Variants in PAK5 observed in about 807,000 individuals in gnomAD.
PAK5 encodes the protein serine/threonine-protein kinase PAK 5.
Under a neutral mutation model 65.9 loss-of-function variants are expected in PAK5, and 16 were observed. That is an observed-to-expected ratio of 0.24 (90% CI 0.16 to 0.37). The LOEUF (loss-of-function observed/expected upper bound fraction) is 0.37. Ranked by LOEUF, PAK5 falls within the 10% of genes least tolerant of loss-of-function variation. PAK5 has a pLI of 1.00. For synonymous variants in PAK5, 371 were observed against 354.9 expected (o/e 1.05, Z -0.51); for missense variants, 785 against 903.9 (o/e 0.87, Z 1.69).
chr20:9,571,963 G>A (rs962158201), intron 4 of PAK5, among the ~76,000 whole-genome samples: 1 of 151,768 alleles, frequency 6.6e-6, no homozygotes, highest in African/African-American at 2.4e-5. Context: ...GTGTTTCACT[G>A]GGGGCCCAGA....
chr20:9,832,123 T>C (rs1978769648), intron 1 of PAK5, among the ~76,000 whole-genome samples: 1 of 151,990 alleles, frequency 6.6e-6, no homozygotes. Context: ...TCTAGTTATA[T>C]AGGTTCTTTT....
At chr20:9,558,408 C>T (rs1322163292) in intron 6 of PAK5, among the ~76,000 whole-genome samples, 3 of 152,192 alleles carry the variant, frequency 2.0e-5, no homozygotes, top group East Asian at 3.9e-4. Flanking sequence ...AGCCACTGTG[C>T]GGGGCTCCAT....
rs537965484 is a variant in PAK5 at position 9,642,047 on chromosome 20, G to C, written c.204+2078C>G. ...CAGAAAGGGGCTCCCACAGTGCAGCGGGGGGGCTGAAGGGCTCCTCAAATG... is the reference window on the plus strand; with the variant it reads ...CAGAAAGGGGCTCCCACAGTGCAGCCGGGGGGCTGAAGGGCTCCTCAAATG... On this transcript the variant is annotated intron_variant, in intron 3 of 9. Coordinates refer to ENST00000353224, the MANE Select transcript of PAK5 (RefSeq NM_177990.4). 3.9e-5 allele frequency among the ~76,000 whole-genome samples: 6 copies of C among 152,244 alleles called. No individual in the cohort carries two copies. In the South Asian group the frequency reaches 1.0e-3, roughly 26 times the overall value.
chr20:9,553,230 T>C (rs1393587468), intron 7 of PAK5, among the ~76,000 whole-genome samples: 2 of 152,120 alleles, frequency 1.3e-5, no homozygotes, highest in Non-Finnish European at 2.9e-5. Context: ...ACTCTGAAAT[T>C]GTATCATGTG....
intron 1 of PAK5, among the ~76,000 whole-genome samples, chr20:9,760,673 C>CTTTTTTTT (rs5840332): frequency 3.3e-5 from 4 of 122,832 alleles, no homozygotes; most frequent in African/African-American, 9.2e-5. Flanking sequence ...CTTTTCTTTT[C>CTTTTTTTT]TTTTTTTTTT....
chr20:9,708,164 T>C (rs896653968), intron 2 of PAK5, among the ~76,000 whole-genome samples: 1 of 152,164 alleles, frequency 6.6e-6, no homozygotes, highest in African/African-American at 2.4e-5. Flanking sequence ...TTTTAATAGA[T>C]GAGTGTCAGA....
At chr20:9,798,012 G>A (rs545206963) in intron 1 of PAK5, among the ~76,000 whole-genome samples, 1 of 152,144 alleles carries the variant, frequency 6.6e-6, no homozygotes, top group Non-Finnish European at 1.5e-5. Context: ...TTCTGGAAAA[G>A]AAGCCAGTAG....
At chr20:9,637,398 A>G (rs1269835018) in intron 3 of PAK5, among the ~76,000 whole-genome samples, 1 of 152,200 alleles carries the variant, frequency 6.6e-6, no homozygotes, top group Non-Finnish European at 1.5e-5. Context: ...TTGTATACAC[A>G]GGAAACGAGA....
intron 3 of PAK5, among the ~76,000 whole-genome samples, chr20:9,606,459 G>A (rs2046456606): frequency 6.6e-6 from 1 of 152,156 alleles, no homozygotes; most frequent in South Asian, 2.1e-4. Flanking sequence ...ACAGGTGCTT[G>A]TCAAGTGAAG....
rs1234091496 is a variant in PAK5, at chr20:9,760,104, G to C, written c.-161-48669C>G. On this transcript the variant is annotated intron_variant, in intron 1 of 9. Coordinates refer to ENST00000353224, the MANE Select transcript of PAK5 (RefSeq NM_177990.4). ...CCATGTGATGTTATTGGGTAGCTGT[G>C]ACCACCAGAGTGTTATAGCAACATG... Among the ~76,000 whole-genome samples, 8 of 152,068 alleles carry C rather than the reference G, an allele frequency of 5.3e-5. No homozygotes were observed. The East Asian group carries it at 1.5e-3, about 29-fold the overall frequency.
chr20:9,805,487 A>T lies in PAK5; in HGVS notation c.-162+33275T>A, dbSNP rs2049220529. On this transcript the variant is annotated intron_variant, in intron 1 of 9. Transcript: ENST00000353224. ...AAAACAACTCACATGTTCATCAATG[A>T]TGAATGGATAAACAAGATGTGGTAT... Among the ~76,000 whole-genome samples the T allele has an allele frequency of 2.0e-5, 3 of 152,246 alleles. 1 individual carries two copies. The South Asian group carries it at 6.2e-4, about 32-fold the overall frequency.
intron 3 of PAK5, among the ~76,000 whole-genome samples, chr20:9,632,179 C>T (rs2046930276): frequency 6.6e-6 from 1 of 152,148 alleles, no homozygotes; most frequent in Non-Finnish European, 1.5e-5. Flanking sequence ...TATCATTTCA[C>T]ATTATATAGA....
chr20:9,825,609 T>A (rs1360663921), intron 1 of PAK5, among the ~76,000 whole-genome samples: 1 of 152,186 alleles, frequency 6.6e-6, no homozygotes, highest in African/African-American at 2.4e-5. Context: ...ACAGAAATTT[T>A]AAAAAAATTG....
chr20:9,717,695 T>C (rs541254006), intron 1 of PAK5, among the ~76,000 whole-genome samples: 120 of 152,288 alleles, frequency 7.9e-4, no homozygotes, highest in Middle Eastern at 3.4e-3. Context: ...TCTTGGCTCA[T>C]TGCAACCTCT....
intron 3 of PAK5, among the ~76,000 whole-genome samples, chr20:9,584,722 C>A (rs1355130608): frequency 6.6e-6 from 1 of 152,228 alleles, no homozygotes; most frequent in East Asian, 1.9e-4. Context: ...TCAATAATGT[C>A]TTGCACTGTT....
At chr20:9,783,625 T>C (rs986014498) in intron 1 of PAK5, among the ~76,000 whole-genome samples, 3 of 152,228 alleles carry the variant, frequency 2.0e-5, no homozygotes, top group Admixed American at 2.0e-4. Flanking sequence ...GAGGAAGATA[T>C]GTTACGGAAC....
At chr20:9,769,889 T>G (rs1479452758) in intron 1 of PAK5, among the ~76,000 whole-genome samples, 1 of 152,190 alleles carries the variant, frequency 6.6e-6, no homozygotes, top group Non-Finnish European at 1.5e-5. Flanking sequence ...AAAAACTAAA[T>G]ATGGTACAAA....
chr20:9,543,690 G>A (rs2045302091), intron 8 of PAK5, among the ~76,000 whole-genome samples: 2 of 152,046 alleles, frequency 1.3e-5, no homozygotes, highest in Admixed American at 1.3e-4. Context: ...ATACCCCTTG[G>A]CTTCCATCTG....
At chr20:9,589,292 G>A (rs1046977752) in intron 3 of PAK5, among the ~76,000 whole-genome samples, 4 of 152,134 alleles carry the variant, frequency 2.6e-5, no homozygotes, top group African/African-American at 9.7e-5. Context: ...TATTAAGGCA[G>A]GTAGCTGGAA....
Sources: gnomAD v4.1 joint callset for allele counts (sites outside exome capture counted in the v4.1 genomes callset) on GRCh38, gnomAD v4.1.1 for gene constraint, MANE v1.5 for transcripts, NCBI Gene and HGNC (gene_info 2026-07-23, HGNC 2026-07-21) for gene names.